The following IFNW1 variants were observed in gnomAD, a reference collection of about 807,000 sequenced individuals.
IFNW1 encodes the protein interferon omega 1.
For synonymous variants in IFNW1, 105 were observed against 88.0 expected, an observed-to-expected ratio of 1.19 and a Z score of -1.08; for missense variants, 293 against 227.7, an observed-to-expected ratio of 1.29 and a Z score of -1.84.
At position 21,140,774 on chromosome 9, in the gene IFNW1, A is replaced by T; in HGVS notation, c.*209T>A. On this transcript the variant is annotated 3_prime_UTR_variant, in exon 1 of 1. Coordinates refer to ENST00000380229, the MANE Select transcript of IFNW1 (RefSeq NM_002177.3). ...AGTATAAATATGATAAAATGTAAGA[A>T]TAAATAAATGAGTAAAAATAAATAA... 1 of 412,606 alleles carries T rather than the reference A, an allele frequency of 2.4e-6. No individual in the cohort carries two copies. The highest frequency in any genetic ancestry group is 4.3e-6 in the Non-Finnish European group (1 of 233,738). 25.6% of individuals were successfully genotyped at this position (412,606 alleles called of 1,614,324 possible).
chr9:21,141,724 T>C lies in IFNW1; in HGVS notation c.-154A>G. ...ATTTCTCTGTACTTTCAGTTTCTTT[T>C]ACTGTTTTCATTTGTGTGTTCTCCC... On this transcript the variant is annotated 5_prime_UTR_variant, in exon 1 of 1. Coordinates refer to ENST00000380229, the MANE Select transcript of IFNW1 (RefSeq NM_002177.3). 1 of 514,528 alleles carries C rather than the reference T, an allele frequency of 1.9e-6. No individual in the cohort carries two copies. The highest frequency in any genetic ancestry group is 3.2e-5 in the East Asian group (1 of 30,858). 31.9% of individuals were successfully genotyped at this position (514,528 alleles called of 1,614,324 possible).
rs1388962730 is a variant in IFNW1 at position 21,141,003 on chromosome 9, T to C, written c.568A>G (p.Arg190Gly). The C allele has an allele frequency of 3.0e-5, 48 of 1,612,048 alleles. No homozygotes were observed. Among genetic ancestry groups the C allele is most frequent in the Non-Finnish European group, 3.9e-5 (46 of 1,178,630 alleles). The change falls in exon 1 of 1, where the codon AGA (arginine) becomes GGA (glycine). Residue 190 changes from arginine to glycine, a missense_variant. Physicochemically the swap from Arg to Gly is moderately radical, Grantham distance 125. Transcript: ENST00000380229. ...TCATTTCAAGATGAGCCCAGGTCTC[T>C]ATCTTTACTTCTCAGTCTTTCTTGC... Reference protein sequence around the residue: ...NMQERLRSKDRDLGSS With the variant: ...NMQERLRSKDGDLGSS
rs143856639 is a variant in IFNW1 at position 21,141,360 on chromosome 9, A to G, written c.211T>C (p.Leu71=). ...FPQEMVKGSQ[L]QKAHVMSVLH... ...ACAGACATGACATGGGCCTTCTGCA[A>G]CTGGCTCCCTTTTACCATCTCCTGG... Residue 71 remains leucine, a synonymous_variant, in exon 1 of 1, where the codon TTG becomes CTG. Coordinates refer to ENST00000380229, the MANE Select transcript of IFNW1 (RefSeq NM_002177.3). 5.6e-5 allele frequency: 90 copies of G among 1,613,662 alleles called. No individual in the cohort carries two copies. The African/African-American group carries it at 7.1e-4, about 13-fold the overall frequency.
rs778438421 is a variant in IFNW1 at position 21,141,614 on chromosome 9, C to T, written c.-44G>A. 2 of 1,379,220 alleles carry T rather than the reference C, an allele frequency of 1.5e-6. No individual in the cohort carries two copies. The highest frequency in any genetic ancestry group is 9.9e-7 in the Non-Finnish European group (1 of 1,006,874). 85.4% of individuals were successfully genotyped at this position (1,379,220 alleles called of 1,614,324 possible). On this transcript the variant is annotated 5_prime_UTR_variant, in exon 1 of 1. Coordinates refer to ENST00000380229, the MANE Select transcript of IFNW1 (RefSeq NM_002177.3). The stretch of plus-strand genomic sequence containing the variant: ...CTGGCTTTACTGAGCTGGGATATGG[C>T]TTAACCTTGGACCCTAGGTTTTCTG...
At position 21,140,931 on chromosome 9, in the gene IFNW1, C is replaced by G. The variant is rs1819387951; in HGVS notation, c.*52G>C. The G allele has an allele frequency of 7.9e-6, 10 of 1,262,032 alleles. No individual in the cohort carries two copies. Among genetic ancestry groups the G allele is most frequent in the Non-Finnish European group, 1.1e-5 (10 of 889,866 alleles). The allele number at this position is 1,262,032 out of a possible 1,614,324, so 78.2% of individuals were successfully genotyped here. On this transcript the variant is annotated 3_prime_UTR_variant, in exon 1 of 1. Coordinates refer to ENST00000380229, the MANE Select transcript of IFNW1 (RefSeq NM_002177.3). ...CCGAAATAAGAGTCTTTTGAATTGA[C>G]CAGAGTCACATGTGCAAGTGTTATA...
chr9:21,141,521 C>T lies in IFNW1; in HGVS notation c.50G>A (p.Ser17Asn). The change falls in exon 1 of 1, where the codon AGC (serine) becomes AAC (asparagine). Residue 17 changes from serine to asparagine, a missense_variant. Ser to Asn is a conservative substitution (Grantham distance 46). Coordinates refer to ENST00000380229, the MANE Select transcript of IFNW1 (RefSeq NM_002177.3). ...LLAALVMTSY[S>N]PVGSLGCDLP... is the part of the protein sequence containing the mutation. Reference sequence around the variant, plus strand: ...ATCACAGCCCAGAGATCCAACAGGGCTATAGCTGGTCATCACTAGGGCTGC... The same window carrying T: ...ATCACAGCCCAGAGATCCAACAGGGTTATAGCTGGTCATCACTAGGGCTGC... The T allele has an allele frequency of 1.2e-6, 2 of 1,610,386 alleles. No individual in the cohort carries two copies. Among genetic ancestry groups the T allele is most frequent in the Non-Finnish European group, 1.7e-6 (2 of 1,178,394 alleles).
In IFNW1 at chr9:21,140,763, A is replaced by C; in HGVS notation, c.*220T>G. 2.6e-6 allele frequency: 1 copy of C among 377,460 alleles called. No homozygotes were observed. The highest frequency in any genetic ancestry group is 4.7e-6 in the Non-Finnish European group (1 of 212,314). 23.4% of individuals were successfully genotyped at this position (377,460 alleles called of 1,614,324 possible). A position where few individuals can be genotyped will look rare whatever the true frequency, so the allele number is the denominator to read the frequency against. ...AGAATATAAATAGTATAAATATGAT[A>C]AAATGTAAGAATAAATAAATGAGTA... On this transcript the variant is annotated 3_prime_UTR_variant, in exon 1 of 1. Coordinates refer to ENST00000380229, the MANE Select transcript of IFNW1 (RefSeq NM_002177.3).
rs201715468 is a variant in IFNW1, at chr9:21,141,090, C to A, written c.481G>T (p.Asp161Tyr). 7.5e-5 allele frequency: 121 copies of A among 1,614,084 alleles called. No individual in the cohort carries two copies. In the East Asian group the frequency reaches 2.0e-3, roughly 27 times the overall value. The change falls in exon 1 of 1, where the codon GAC becomes TAC. Residue 161 changes from aspartate (D) to tyrosine (Y), a missense_variant. Physicochemically the swap from Asp to Tyr is radical, Grantham distance 160. Coordinates refer to ENST00000380229, the MANE Select transcript of IFNW1 (RefSeq NM_002177.3). ...ATTCTGACAACTTCCCAGGCACAGTCGCTGTATTTCTTCTCTTTCAGGTAG... is the reference window on the plus strand; with the variant it reads ...ATTCTGACAACTTCCCAGGCACAGTAGCTGTATTTCTTCTCTTTCAGGTAG... ...RVYLKEKKYS[D>Y]CAWEVVRMEI...
In IFNW1 at chr9:21,140,829, A is replaced by G; in HGVS notation, c.*154T>C. 1 of 576,694 alleles carries G rather than the reference A, an allele frequency of 1.7e-6. No individual in the cohort carries two copies. The highest frequency in any genetic ancestry group is 3.3e-5 in the Admixed American group (1 of 30,474). The allele number at this position is 576,694 out of a possible 1,614,324, so 35.7% of individuals were successfully genotyped here. ...TTAGGGACTGATGCCCCTGAACCTA[A>G]GTCTTTTTAACATATACTGGCTTAA... is the stretch of plus-strand genomic sequence containing the variant. On this transcript the variant is annotated 3_prime_UTR_variant, in exon 1 of 1. Transcript: ENST00000380229.
rs1819387033 is a variant in IFNW1, at chr9:21,140,860, C to T, written c.*123G>A. 3 of 684,860 alleles carry T rather than the reference C, an allele frequency of 4.4e-6. No homozygotes were observed. Among genetic ancestry groups the T allele is most frequent in the Admixed American group, 2.9e-5 (1 of 34,708 alleles). 42.4% of individuals were successfully genotyped at this position (684,860 alleles called of 1,614,324 possible). A position where few individuals can be genotyped will look rare whatever the true frequency, so the allele number is the denominator to read the frequency against. ...TTTAACATATACTGGCTTAATATAC[C>T]GACAAAGTATTTGCAGAACTAATTC... is the stretch of plus-strand genomic sequence containing the variant. On this transcript the variant is annotated 3_prime_UTR_variant, in exon 1 of 1. Transcript: ENST00000380229.
Position 21,141,059 on chromosome 9 carries a change from A to T in IFNW1, c.512T>A (p.Ile171Asn). ...TGTTGATAAGAACAAGGATTTCATGATTTCCATTCTGACAACTTCCCAGGC... is the reference window on the plus strand; with the variant it reads ...TGTTGATAAGAACAAGGATTTCATGTTTTCCATTCTGACAACTTCCCAGGC... Reference protein sequence around the residue: ...DCAWEVVRMEIMKSLFLSTNM... With the variant: ...DCAWEVVRMENMKSLFLSTNM... Residue 171 changes from isoleucine to asparagine, a missense_variant, in exon 1 of 1, where the codon ATC becomes AAC. By Grantham distance (149) the Ile-to-Asn change is moderately radical. Transcript: ENST00000380229. The T allele has an allele frequency of 6.2e-7, 1 of 1,614,122 alleles. No individual in the cohort carries two copies. The highest frequency in any genetic ancestry group is 1.7e-5 in the Admixed American group (1 of 60,008).
In IFNW1 at chr9:21,141,346, A is replaced by G; in HGVS notation, c.225T>C (p.His75=). Reference sequence around the variant, plus strand: ...GCATCTCATGGAGGACAGACATGACATGGGCCTTCTGCAACTGGCTCCCTT... The same window carrying G: ...GCATCTCATGGAGGACAGACATGACGTGGGCCTTCTGCAACTGGCTCCCTT... ...MVKGSQLQKA[H]VMSVLHEMLQ... The change falls in exon 1 of 1, where the codon CAT becomes CAC. Residue 75 remains histidine, a synonymous_variant. Transcript: ENST00000380229. 2 of 1,613,966 alleles carry G rather than the reference A, an allele frequency of 1.2e-6. No individual in the cohort carries two copies. The highest frequency in any genetic ancestry group is 1.7e-6 in the Non-Finnish European group (2 of 1,179,870).
chr9:21,141,196 C>G lies in IFNW1; in HGVS notation c.375G>C (p.Gln125His). ...QLQHLETCLLQVVGEGESAGA... is the reference protein window; with the variant it reads ...QLQHLETCLLHVVGEGESAGA... ...CAGCAGATTCTCCTTCTCCCACTACCTGCAGCAAGCAGGTCTCCAGGTGTT... is the reference window on the plus strand; with the variant it reads ...CAGCAGATTCTCCTTCTCCCACTACGTGCAGCAAGCAGGTCTCCAGGTGTT... The change falls in exon 1 of 1, where the codon CAG becomes CAC. Residue 125 changes from glutamine to histidine, a missense_variant. Gln to His is a conservative substitution (Grantham distance 24). Coordinates refer to ENST00000380229, the MANE Select transcript of IFNW1 (RefSeq NM_002177.3). The G allele has an allele frequency of 1.9e-6, 3 of 1,614,166 alleles. No homozygotes were observed. The highest frequency in any genetic ancestry group is 2.2e-5 in the East Asian group (1 of 44,884).
rs955037894 is a variant in IFNW1 at position 21,140,844 on chromosome 9, T to C, written c.*139A>G. The C allele has an allele frequency of 1.8e-5, 11 of 620,196 alleles. No homozygotes were observed. The African/African-American group carries it at 2.0e-4, about 11-fold the overall frequency. 38.4% of individuals were successfully genotyped at this position (620,196 alleles called of 1,614,324 possible). ...CCTGAACCTAAGTCTTTTTAACATA[T>C]ACTGGCTTAATATACCGACAAAGTA... On this transcript the variant is annotated 3_prime_UTR_variant, in exon 1 of 1. Transcript: ENST00000380229.
chr9:21,141,370 T>C lies in IFNW1; in HGVS notation c.201A>G (p.Lys67=). ...CATGGGCCTTCTGCAACTGGCTCCC[T>C]TTTACCATCTCCTGGGGGAACCTGA... is the stretch of plus-strand genomic sequence containing the variant. The part of the protein sequence containing the change: ...RDFRFPQEMV[K]GSQLQKAHVM... Residue 67 remains lysine, a synonymous_variant, in exon 1 of 1, where the codon AAA becomes AAG. Coordinates refer to ENST00000380229, the MANE Select transcript of IFNW1 (RefSeq NM_002177.3). 1 of 1,613,248 alleles carries C rather than the reference T, an allele frequency of 6.2e-7. No homozygotes were observed. The highest frequency in any genetic ancestry group is 8.5e-7 in the Non-Finnish European group (1 of 1,179,532).
Position 21,141,225 on chromosome 9 carries a change from G to T in IFNW1, c.346C>A (p.Leu116Met). 6.2e-7 allele frequency: 1 copy of T among 1,614,176 alleles called. No individual in the cohort carries two copies. Among genetic ancestry groups the T allele is most frequent in the Non-Finnish European group, 8.5e-7 (1 of 1,180,004 alleles). ...DQLHTGLHQQLQHLETCLLQV... is the reference protein window; with the variant it reads ...DQLHTGLHQQMQHLETCLLQV... The stretch of plus-strand genomic sequence containing the variant: ...AGCAAGCAGGTCTCCAGGTGTTGCA[G>T]TTGCTGATGAAGTCCAGTGTGGAGT... Residue 116 changes from leucine (L) to methionine (M), a missense_variant, in exon 1 of 1, where the codon CTG becomes ATG. Physicochemically the swap from Leu to Met is conservative, Grantham distance 15. Transcript: ENST00000380229.
rs1381844549 is a variant in IFNW1 at position 21,141,681 on chromosome 9, G to A, written c.-111C>T. The A allele has an allele frequency of 7.9e-6, 5 of 630,312 alleles. No homozygotes were observed. The highest frequency in any genetic ancestry group is 1.4e-5 in the Non-Finnish European group (5 of 368,244). The allele number at this position is 630,312 out of a possible 1,614,324, so 39.0% of individuals were successfully genotyped here. Reference sequence around the variant, plus strand: ...GCATGGCTTTTAATAGGAAACACATGGTTTTCATTTTCTGAACATTTCTCT... The same window carrying A: ...GCATGGCTTTTAATAGGAAACACATAGTTTTCATTTTCTGAACATTTCTCT... On this transcript the variant is annotated 5_prime_UTR_variant, in exon 1 of 1. Transcript: ENST00000380229.
At position 21,141,505 on chromosome 9, in the gene IFNW1, C is replaced by G. The variant is rs1327549340; in HGVS notation, c.66G>C (p.Leu22=). The G allele has an allele frequency of 6.2e-7, 1 of 1,613,436 alleles. No homozygotes were observed. Among genetic ancestry groups the G allele is most frequent in the South Asian group, 1.1e-5 (1 of 90,970 alleles). Residue 22 remains leucine (L), a synonymous_variant, in exon 1 of 1, where the codon CTG becomes CTC. Coordinates refer to ENST00000380229, the MANE Select transcript of IFNW1 (RefSeq NM_002177.3). ...CATGGTTCTGAGGCAGATCACAGCCCAGAGATCCAACAGGGCTATAGCTGG... is the reference window on the plus strand; with the variant it reads ...CATGGTTCTGAGGCAGATCACAGCCGAGAGATCCAACAGGGCTATAGCTGG... ...VMTSYSPVGS[L]GCDLPQNHGL...
In IFNW1 at chr9:21,140,971, A is replaced by T. The variant is rs942220408; in HGVS notation, c.*12T>A. ...CAAGTGTTATATGGCAAATTAATCA[A>T]TGAGAATCATTTCAAGATGAGCCCA... On this transcript the variant is annotated 3_prime_UTR_variant, in exon 1 of 1. Coordinates refer to ENST00000380229, the MANE Select transcript of IFNW1 (RefSeq NM_002177.3). 1.3e-6 allele frequency: 2 copies of T among 1,571,834 alleles called. No homozygotes were observed. The highest frequency in any genetic ancestry group is 2.7e-5 in the African/African-American group (2 of 73,752).
Sources: allele counts gnomAD v4.1 joint callset, GRCh38; gene constraint gnomAD v4.1.1; transcripts MANE v1.5; gene names NCBI Gene and HGNC (gene_info 2026-07-23, HGNC 2026-07-21).